The following PCDHGA5 variants were observed in gnomAD, a reference collection of about 807,000 sequenced individuals.
PCDHGA5 encodes protocadherin gamma subfamily A, 5.
A neutral mutation model predicts 56.7 loss-of-function variants in PCDHGA5; 36 were observed. The observed-to-expected ratio is 0.64, with a 90% CI of 0.49 to 0.84. The LOEUF is 0.84. Ranked by LOEUF, PCDHGA5 falls within the 40% of genes least tolerant of loss-of-function variation. PCDHGA5 has a pLI of 0.00. For missense variants in PCDHGA5, 1,305 were observed against 1,201.5 expected, an observed-to-expected ratio of 1.09 and a Z score of -1.27; for synonymous variants, 563 against 520.2, an observed-to-expected ratio of 1.08 and a Z score of -1.12.
At chr5:141,409,735 C>T (rs763035733) in intron 1 of PCDHGA5, 1 of 1,613,006 alleles carries the variant, frequency 6.2e-7, no homozygotes, top group Admixed American at 1.7e-5. Context: ...GCGCGCAGAG[C>T]GGGGTGGTGT....
At chr5:141,376,051 C>T in intron 1 of PCDHGA5, 1 of 1,613,344 alleles carries the variant, frequency 6.2e-7, no homozygotes, top group South Asian at 1.1e-5. Context: ...CTCTCTCCGC[C>T]ACTGTCACGC....
chr5:141,488,633 A>G (rs2099677537), intron 1 of PCDHGA5, among the ~76,000 whole-genome samples: 1 of 152,174 alleles, frequency 6.6e-6, no homozygotes, highest in South Asian at 2.1e-4. Context: ...TCACCTTAGC[A>G]GCATTCAGCA....
Position 141,431,996 on chromosome 5 carries a change from G to A in PCDHGA5, c.2422-62811G>A, listed in dbSNP as rs766891220. ...AGTCACAGACATAGTCTTGGATAGGGAACAGGTTCCTAGCTACAACATCAC... is the reference window on the plus strand; with the variant it reads ...AGTCACAGACATAGTCTTGGATAGGAAACAGGTTCCTAGCTACAACATCAC... On this transcript the variant is annotated intron_variant, in intron 1 of 3. Transcript: ENST00000518069. The surrounding 1 kb of genome is among the most constrained non-coding windows in gnomAD (Gnocchi z 4.8). 1.9e-6 allele frequency: 3 copies of A among 1,614,192 alleles called. No homozygotes were observed. In the East Asian group the frequency reaches 6.7e-5, roughly 36 times the overall value.
intron 1 of PCDHGA5, chr5:141,419,577 C>T: frequency 3.7e-6 from 6 of 1,611,732 alleles, no homozygotes; most frequent in Non-Finnish European, 5.1e-6. Flanking sequence ...GACGGCTCCG[C>T]GCTCTTCGAC....
rs543908773 is a variant in PCDHGA5, at chr5:141,400,145, A to G, written c.2421+33394A>G. ...CAGGAGGTGCTGCCGGATATCACTG[A>G]CCGCCCTGTACCCTCTGACCCCCAG... On this transcript the variant is annotated intron_variant, in intron 1 of 3. Coordinates refer to ENST00000518069, the MANE Select transcript of PCDHGA5 (RefSeq NM_018918.3). The G allele has an allele frequency of 4.1e-5, 66 of 1,613,312 alleles. No individual in the cohort carries two copies. The South Asian group carries it at 5.4e-4, about 13-fold the overall frequency.
At position 141,404,149 on chromosome 5, in the gene PCDHGA5, A is replaced by G. The variant is rs758060942; in HGVS notation, c.2421+37398A>G. The G allele has an allele frequency of 3.1e-6, 5 of 1,612,750 alleles. No individual in the cohort carries two copies. In the African/African-American group the frequency reaches 5.3e-5, roughly 17 times the overall value. On this transcript the variant is annotated intron_variant, in intron 1 of 3. Transcript: ENST00000518069. Reference sequence around the variant, plus strand: ...CTTTTACATTAGAAAATTCAGAAGAAGATTATTACAGATTGTTGACGGCCC... The same window carrying G: ...CTTTTACATTAGAAAATTCAGAAGAGGATTATTACAGATTGTTGACGGCCC...
At chr5:141,387,510 C>A (rs972550298) in intron 1 of PCDHGA5, among the ~76,000 whole-genome samples, 1 of 152,206 alleles carries the variant, frequency 6.6e-6, no homozygotes, top group Non-Finnish European at 1.5e-5. Context: ...TTTTAGACGT[C>A]ATTAAATATA....
intron 1 of PCDHGA5, chr5:141,433,126 G>A (rs1390613447): frequency 1.9e-6 from 3 of 1,614,120 alleles, no homozygotes; most frequent in Middle Eastern, 1.7e-4. Flanking sequence ...AAAAAAGCGA[G>A]CCCCTTTTGC....
intron 1 of PCDHGA5, chr5:141,422,581 G>C: frequency 6.2e-7 from 1 of 1,613,984 alleles, no homozygotes; most frequent in Non-Finnish European, 8.5e-7. Context: ...TAACCCTCCC[G>C]TTTTTCCTCA....
At chr5:141,414,570 C>T in intron 1 of PCDHGA5, 1 of 1,613,980 alleles carries the variant, frequency 6.2e-7, no homozygotes. Context: ...TTACCTATAT[C>T]CCAGAGAACA....
chr5:141,407,798 A>T (rs2094982737), intron 1 of PCDHGA5, among the ~76,000 whole-genome samples: 1 of 152,256 alleles, frequency 6.6e-6, no homozygotes, highest in Non-Finnish European at 1.5e-5. Context: ...AACACAAAGC[A>T]TAGAAATATC....
intron 1 of PCDHGA5, chr5:141,393,111 C>T (rs762190466): frequency 1.2e-6 from 2 of 1,613,380 alleles, no homozygotes; most frequent in African/African-American, 2.7e-5. Context: ...CGCTCAGAGC[C>T]CGCGGTGTCT....
chr5:141,476,738 C>T lies in PCDHGA5; in HGVS notation c.2422-18069C>T. 6.2e-7 allele frequency: 1 copy of T among 1,614,076 alleles called. No individual in the cohort carries two copies. The highest frequency in any genetic ancestry group is 2.2e-5 in the East Asian group (1 of 44,880). On this transcript the variant is annotated intron_variant, in intron 1 of 3. Transcript: ENST00000518069. This position sits in a 1 kb window ranked among gnomAD's most constrained non-coding sequence, Gnocchi z 7.6. Reference sequence around the variant, plus strand: ...GCGCGCCCTGGACCGAGAACGGGAGCCTAGTCTCCAGTTAGTGCTGACGGC... The same window carrying T: ...GCGCGCCCTGGACCGAGAACGGGAGTCTAGTCTCCAGTTAGTGCTGACGGC...
intron 1 of PCDHGA5, among the ~76,000 whole-genome samples, chr5:141,429,781 A>G (rs2097245343): frequency 1.3e-5 from 2 of 152,186 alleles, no homozygotes; most frequent in Non-Finnish European, 2.9e-5. Context: ...TGGGCTTCCA[A>G]AAGTATTACC....
chr5:141,392,628 A>T (rs2092566593), intron 1 of PCDHGA5: 1 of 588,334 alleles, frequency 1.7e-6, no homozygotes, highest in South Asian at 2.7e-5. Context: ...AAACACTCAG[A>T]TCTCACACCT....
rs141959335 is a variant in PCDHGA5, at chr5:141,491,261, T to C, written c.2422-3546T>C. On this transcript the variant is annotated intron_variant, in intron 1 of 3. Transcript: ENST00000518069. This position sits in a 1 kb window ranked among gnomAD's most constrained non-coding sequence, Gnocchi z 6.9. Reference sequence around the variant, plus strand: ...CTGGAGGATGAGGACCCTGAGGAAATGCCCAAATCCAGTGACTTCCTCATA... The same window carrying C: ...CTGGAGGATGAGGACCCTGAGGAAACGCCCAAATCCAGTGACTTCCTCATA... 104 of 1,614,044 alleles carry C rather than the reference T, an allele frequency of 6.4e-5. No individual in the cohort carries two copies. Among genetic ancestry groups the C allele is most frequent in the Non-Finnish European group, 8.1e-5 (95 of 1,180,028 alleles).
intron 1 of PCDHGA5, chr5:141,421,848 T>C (rs571838248): frequency 4.9e-5 from 79 of 1,613,634 alleles, no homozygotes; most frequent in Non-Finnish European, 6.0e-5. Flanking sequence ...AGAAAGAGGC[T>C]GCTCACCTGC....
chr5:141,452,968 A>G (rs1028716079), intron 1 of PCDHGA5, among the ~76,000 whole-genome samples: 3 of 152,210 alleles, frequency 2.0e-5, no homozygotes, highest in Non-Finnish European at 4.4e-5. Flanking sequence ...AACTGAGGGT[A>G]TATTGTCAAA....
intron 1 of PCDHGA5, among the ~76,000 whole-genome samples, chr5:141,472,980 C>CA (rs60579131): frequency 0.042 from 3,623 of 85,966 alleles, 71 homozygotes; most frequent in South Asian, 0.079. Context: ...GAGTGAAACT[C>CA]AAAAAAAAAA....
Sources: allele counts gnomAD v4.1 joint callset (sites outside exome capture counted in the v4.1 genomes callset), GRCh38; gene constraint gnomAD v4.1.1; non-coding constraint Gnocchi (gnomAD v3.1); transcripts MANE v1.5; gene names NCBI Gene and HGNC (gene_info 2026-07-23, HGNC 2026-07-21).